The following SLC35F4 variants were observed in gnomAD, a reference collection of about 807,000 sequenced individuals.
SLC35F4 encodes the protein solute carrier family 35 member F4.
Under a neutral mutation model 44.2 loss-of-function variants are expected in SLC35F4, and 24 were observed. The observed-to-expected ratio is 0.54, with a 90% CI of 0.39 to 0.76. The LOEUF (loss-of-function observed/expected upper bound fraction) is 0.76. Ranked by LOEUF, SLC35F4 falls within the 30% of genes least tolerant of loss-of-function variation. The probability of loss-of-function intolerance (pLI) is 0.00; values close to 1 mark genes in which losing one functional copy is unlikely to be tolerated. For synonymous variants in SLC35F4, 238 were observed against 223.6 expected, an observed-to-expected ratio of 1.06 and a Z score of -0.57; for missense variants, 562 against 586.1, an observed-to-expected ratio of 0.96 and a Z score of 0.42.
chr14:57,849,832 T>C (rs78620878), intron 1 of SLC35F4, among the ~76,000 whole-genome samples: 4,617 of 152,254 alleles, frequency 0.03, 254 homozygotes, highest in African/African-American at 0.11. Context: ...AGCAGAGCTT[T>C]CTTTACTTTC....
At chr14:57,638,022 T>C (rs903897385) in intron 1 of SLC35F4, among the ~76,000 whole-genome samples, 1 of 152,160 alleles carries the variant, frequency 6.6e-6, no homozygotes, top group African/African-American at 2.4e-5. Context: ...CCTACGGTCA[T>C]ACCAGGCAGG....
chr14:57,751,947 T>A (rs1250625488), intron 1 of SLC35F4, among the ~76,000 whole-genome samples: 1 of 152,060 alleles, frequency 6.6e-6, no homozygotes, highest in Non-Finnish European at 1.5e-5. Flanking sequence ...TGTGTGTGTG[T>A]GTGTGTTTGT....
intron 1 of SLC35F4, among the ~76,000 whole-genome samples, chr14:57,619,309 G>A (rs529542898): frequency 1.4e-4 from 21 of 152,246 alleles, no homozygotes; most frequent in Non-Finnish European, 2.4e-4. Flanking sequence ...GGCATCTGGC[G>A]GGTGCCCCTC....
At chr14:57,745,358 A>T (rs578166616) in intron 1 of SLC35F4, among the ~76,000 whole-genome samples, 170 of 152,370 alleles carry the variant, frequency 1.1e-3, no homozygotes, top group Non-Finnish European at 2.2e-3. Context: ...AATATCCAGA[A>T]TCTACAAAGA....
intron 1 of SLC35F4, among the ~76,000 whole-genome samples, chr14:57,897,483 G>A (rs775473879): frequency 1.5e-4 from 22 of 151,636 alleles, no homozygotes; most frequent in Non-Finnish European, 2.6e-4. Context: ...AGAACAAAGC[G>A]ACTGAACTAT....
At chr14:57,835,750 C>T (rs1401998353) in intron 1 of SLC35F4, among the ~76,000 whole-genome samples, 1 of 152,194 alleles carries the variant, frequency 6.6e-6, no homozygotes, top group African/African-American at 2.4e-5. Context: ...CCACGAACAC[C>T]TCTCTCCTTC....
chr14:57,592,847 G>A (rs1333330259), intron 2 of SLC35F4, among the ~76,000 whole-genome samples: 1 of 151,900 alleles, frequency 6.6e-6, no homozygotes, highest in Non-Finnish European at 1.5e-5. Context: ...GGTTTTTATT[G>A]TTGTTGTTGG....
intron 1 of SLC35F4, among the ~76,000 whole-genome samples, chr14:57,829,515 G>T (rs1164452255): frequency 6.6e-6 from 1 of 152,146 alleles, no homozygotes; most frequent in Non-Finnish European, 1.5e-5. Flanking sequence ...GGTCTAAAAC[G>T]CTGTGACCAA....
Position 57,564,347 on chromosome 14 carries a change from A to G in SLC35F4, c.1246T>C (p.Phe416Leu). 9.9e-6 allele frequency: 16 copies of G among 1,609,648 alleles called. No individual in the cohort carries two copies. Among genetic ancestry groups the G allele is most frequent in the Non-Finnish European group, 1.4e-5 (16 of 1,177,944 alleles). The change falls in exon 8 of 8, where the codon TTC becomes CTC. Residue 416 changes from phenylalanine to leucine, a missense_variant. By Grantham distance (22) the Phe-to-Leu change is conservative. Transcript: ENST00000556826. ...GTAGCAGCCAGGCGGACAACATTGAATATCACCTCCTGCTTTAGGAGATCC... is the reference window on the plus strand; with the variant it reads ...GTAGCAGCCAGGCGGACAACATTGAGTATCACCTCCTGCTTTAGGAGATCC... ...AVDLLKQEVI[F>L]NVVRLAATII...
intron 1 of SLC35F4, among the ~76,000 whole-genome samples, chr14:57,738,903 G>A (rs575500319): frequency 6.6e-6 from 1 of 150,800 alleles, no homozygotes; most frequent in East Asian, 1.9e-4. Context: ...TGTCAAAAAT[G>A]TGATTCAGGA....
Position 57,898,450 on chromosome 14 carries a change from C to G in SLC35F4, n.282+83463G>C, listed in dbSNP as rs75127355. Among the ~76,000 whole-genome samples the G allele has an allele frequency of 5.5e-3, 835 of 152,236 alleles. 5 individuals are homozygous for G. The highest frequency in any genetic ancestry group is 0.019 in the African/African-American group (795 of 41,524). ...TACCTTGGAAATAGAAAGTTAATAACTATGTTAACCAGGAGGGTATGTGGG... is the reference window on the plus strand; with the variant it reads ...TACCTTGGAAATAGAAAGTTAATAAGTATGTTAACCAGGAGGGTATGTGGG... On this transcript the variant is annotated intron_variant and non_coding_transcript_variant, in intron 1 of 1. Coordinates refer to the SLC35F4 transcript ENST00000556568.
intron 1 of SLC35F4, among the ~76,000 whole-genome samples, chr14:57,927,532 C>T (rs1174819121): frequency 6.6e-6 from 1 of 151,276 alleles, no homozygotes; most frequent in Non-Finnish European, 1.5e-5. Context: ...ACTCTGTCAC[C>T]CAGGCTGGAG....
chr14:57,897,032 C>T (rs1273797796), intron 1 of SLC35F4, among the ~76,000 whole-genome samples: 1 of 152,094 alleles, frequency 6.6e-6, no homozygotes, highest in Non-Finnish European at 1.5e-5. Context: ...TCATTTCATC[C>T]CCTACTGTGA....
chr14:57,881,941 A>G (rs1362687799), intron 1 of SLC35F4, among the ~76,000 whole-genome samples: 1 of 152,130 alleles, frequency 6.6e-6, no homozygotes, highest in Non-Finnish European at 1.5e-5. Context: ...ATCTGGGCAT[A>G]TGTAAGAAGT....
Position 57,852,083 on chromosome 14 carries a change from G to C in SLC35F4, c.103+13640C>G, listed in dbSNP as rs998445998. On this transcript the variant is annotated intron_variant, in intron 1 of 7. Transcript: ENST00000556826. Reference sequence around the variant, plus strand: ...AGATCCATCCCTACCTACTCTTAGGGACATAAGAATCTAATGGGCAGAAAA... The same window carrying C: ...AGATCCATCCCTACCTACTCTTAGGCACATAAGAATCTAATGGGCAGAAAA... 3.9e-5 allele frequency among the ~76,000 whole-genome samples: 6 copies of C among 152,264 alleles called. No individual in the cohort carries two copies. The East Asian group carries it at 1.2e-3, about 29-fold the overall frequency.
chr14:57,902,302 G>T (rs145357282), intron 1 of SLC35F4, among the ~76,000 whole-genome samples: 663 of 152,182 alleles, frequency 4.4e-3, no homozygotes, highest in Non-Finnish European at 6.2e-3. Context: ...GGTGGCTCAC[G>T]CCTGTAATCC....
intron 1 of SLC35F4, among the ~76,000 whole-genome samples, chr14:57,644,616 T>G (rs1298774508): frequency 1.3e-5 from 2 of 152,170 alleles, no homozygotes; most frequent in Non-Finnish European, 2.9e-5. Context: ...CTCTTTAGTT[T>G]AATTAGATCC....
At chr14:57,851,867 G>T (rs998928181) in intron 1 of SLC35F4, among the ~76,000 whole-genome samples, 10 of 152,110 alleles carry the variant, frequency 6.6e-5, no homozygotes, top group Non-Finnish European at 1.3e-4. Context: ...CTGAGTGAGG[G>T]GTTACGGGAA....
upstream of SLC35F4, among the ~76,000 whole-genome samples, chr14:57,983,050 T>C (rs1273005744): frequency 6.6e-6 from 1 of 152,226 alleles, no homozygotes; most frequent in Admixed American, 6.5e-5. Flanking sequence ...TCTGCTATTG[T>C]TACCAAACCA....
Sources: gnomAD v4.1 joint callset for allele counts (sites outside exome capture counted in the v4.1 genomes callset) on GRCh38, gnomAD v4.1.1 for gene constraint, MANE v1.5 for transcripts, NCBI Gene and HGNC (gene_info 2026-07-23, HGNC 2026-07-21) for gene names.